COL22A1: variants seen among roughly 807,000 people sequenced by gnomAD.
The protein encoded by COL22A1 is collagen type XXII alpha 1 chain, also known as collagen alpha-1(XXII) chain.
Under a neutral mutation model 248.9 loss-of-function variants are expected in COL22A1, and 221 were observed. The ratio of observed to expected loss-of-function variants is 0.89; its 90% confidence interval spans 0.80 to 0.99. The LOEUF is 0.99. Ranked by LOEUF, COL22A1 falls within the 50% of genes least tolerant of loss-of-function variation. COL22A1 has a pLI of 0.00. For synonymous variants in COL22A1, 891 were observed against 793.4 expected, an observed-to-expected ratio of 1.12 and a Z score of -2.07; for missense variants, 2,240 against 2,179.0, an observed-to-expected ratio of 1.03 and a Z score of -0.56.
chr8:138,616,852 C>T (rs1819366725), intron 54 of COL22A1, 62 bp downstream of exon 54: 1 of 1,590,224 alleles, frequency 6.3e-7, no homozygotes, highest in Non-Finnish European at 8.6e-7. Flanking sequence ...CAAGTATCTT[C>T]TGTCTGGGAA....
chr8:138,824,400 C>T (rs919144514), intron 6 of COL22A1, among the ~76,000 whole-genome samples: 3 of 152,194 alleles, frequency 2.0e-5, no homozygotes, highest in Non-Finnish European at 4.4e-5. Context: ...AATCTATAAC[C>T]TGATTGTTTC....
intron 3 of COL22A1, among the ~76,000 whole-genome samples, chr8:138,868,391 C>A (rs1823061583): frequency 6.6e-6 from 1 of 152,092 alleles, no homozygotes; most frequent in African/African-American, 2.4e-5. Context: ...TGCTACCCTA[C>A]CCAACAGCAT....
chr8:138,706,310 C>T (rs969206657), intron 30 of COL22A1, among the ~76,000 whole-genome samples: 13 of 152,200 alleles, frequency 8.5e-5, no homozygotes, highest in African/African-American at 3.1e-4. Context: ...ACAGAACTCT[C>T]CACCCCAAAT....
At chr8:138,613,217 C>T (rs1451312404) in intron 56 of COL22A1, among the ~76,000 whole-genome samples, 4 of 148,116 alleles carry the variant, frequency 2.7e-5, no homozygotes, top group African/African-American at 1.0e-4. Flanking sequence ...CAGTGCACTG[C>T]AGCCTGGGTG....
In COL22A1 at chr8:138,604,705, CA is replaced by C. The variant is rs781348394; in HGVS notation, c.4140+28del. The C allele has an allele frequency of 4.3e-6, 7 of 1,610,044 alleles. No homozygotes were observed. The Admixed American group carries it at 1.2e-4, about 27-fold the overall frequency. ...CTGCCCATTGGTGGTAAAGGGTTGC[CA>C]AGGGGTGAGTGGGCGTGTGATACTT... On this transcript the variant is annotated intron_variant, in intron 59 of 64. Coordinates refer to ENST00000303045, the MANE Select transcript of COL22A1 (RefSeq NM_152888.3).
intron 46 of COL22A1, among the ~76,000 whole-genome samples, chr8:138,647,660 C>T (rs1470764659): frequency 1.3e-5 from 2 of 152,160 alleles, no homozygotes; most frequent in South Asian, 2.1e-4. Flanking sequence ...AGCTGCTTGA[C>T]TCTGAGAAAG....
intron 25 of COL22A1, 155 bp from the exon 26 acceptor site, chr8:138,722,244 C>T: frequency 3.2e-6 from 2 of 622,330 alleles, no homozygotes; most frequent in Non-Finnish European, 5.8e-6. Flanking sequence ...TCCAGAGCGA[C>T]TGTGGTCTCT....
At position 138,615,413 on chromosome 8, in the gene COL22A1, C is replaced by A. The variant is rs139958207; in HGVS notation, c.3924+588G>T. ...GGGCATGGTGGCAGGTGCCTCTAGT[C>A]CCAGTTACTCGGGAGGCTGAGACAG... On this transcript the variant is annotated intron_variant, in intron 55 of 64. Transcript: ENST00000303045. Among the ~76,000 whole-genome samples the A allele has an allele frequency of 1.4e-4, 21 of 152,028 alleles. No individual in the cohort carries two copies. The East Asian group carries it at 3.5e-3, about 25-fold the overall frequency.
chr8:138,626,164 T>C, intron 51 of COL22A1, 26 bp downstream of exon 51: 1 of 1,568,404 alleles, frequency 6.4e-7, no homozygotes, highest in Non-Finnish European at 8.6e-7. Context: ...TGTTTTTGTT[T>C]GTTTGTTTTT....
rs150137681 is a variant in COL22A1, at chr8:138,834,868, A to G, written c.734-1718T>C. 7.6e-3 allele frequency among the ~76,000 whole-genome samples: 1,161 copies of G among 152,294 alleles called. 2 individuals carry two copies. The highest frequency in any genetic ancestry group is 0.013 in the Non-Finnish European group (890 of 68,022). On this transcript the variant is annotated intron_variant, in intron 4 of 64. Coordinates refer to ENST00000303045, the MANE Select transcript of COL22A1 (RefSeq NM_152888.3). ...AGCTTCCAATATGCCAAGCCCTGTG[A>G]GCTCCAGGGTTGGAGCAGGCACCAA... is the stretch of plus-strand genomic sequence containing the variant.
chr8:138,849,299 C>A (rs1821462425), intron 3 of COL22A1, among the ~76,000 whole-genome samples: 1 of 152,212 alleles, frequency 6.6e-6, no homozygotes, highest in Non-Finnish European at 1.5e-5. Flanking sequence ...GCAGCAGACA[C>A]ATGTAGGTGG....
At chr8:138,782,589 C>A (rs1815113368) in intron 12 of COL22A1, among the ~76,000 whole-genome samples, 1 of 151,976 alleles carries the variant, frequency 6.6e-6, no homozygotes, top group African/African-American at 2.4e-5. Flanking sequence ...TCGCTTGAAC[C>A]AGGGAGGTGA....
At position 138,802,727 on chromosome 8, in the gene COL22A1, C is replaced by T. The variant is rs147279370; in HGVS notation, c.1557+145G>A. On this transcript the variant is annotated intron_variant, in intron 11 of 64. Coordinates refer to ENST00000303045, the MANE Select transcript of COL22A1 (RefSeq NM_152888.3). The stretch of plus-strand genomic sequence containing the variant: ...CCATGCCCATGGAGAGGAGCTAGGG[C>T]TTCATCTTGAGGGTGGTGTGGGAGT... 7.2e-6 allele frequency: 5 copies of T among 697,168 alleles called. No individual in the cohort carries two copies. The East Asian group carries it at 1.3e-4, about 18-fold the overall frequency. 43.2% of individuals were successfully genotyped at this position (697,168 alleles called of 1,614,324 possible).
chr8:138,828,996 G>T (rs1819815425), intron 5 of COL22A1, among the ~76,000 whole-genome samples: 1 of 152,226 alleles, frequency 6.6e-6, no homozygotes, highest in African/African-American at 2.4e-5. Flanking sequence ...GCTGGAGGAG[G>T]TGGACCCTGC....
chr8:138,697,651 C>T, intron 32 of COL22A1, among the ~76,000 whole-genome samples: 1 of 152,188 alleles, frequency 6.6e-6, no homozygotes, highest in South Asian at 2.1e-4. Context: ...TCGGGCTTCT[C>T]CCTCCACCCC....
At chr8:138,745,953 C>G (rs1325557940) in intron 22 of COL22A1, among the ~76,000 whole-genome samples, 1 of 152,226 alleles carries the variant, frequency 6.6e-6, no homozygotes, top group Admixed American at 6.5e-5. Flanking sequence ...GAAATGCAGT[C>G]CTTCTCTATC....
At chr8:138,879,750 T>A (rs1000654668) in intron 2 of COL22A1, among the ~76,000 whole-genome samples, 1 of 150,106 alleles carries the variant, frequency 6.7e-6, no homozygotes, top group African/African-American at 2.4e-5. Flanking sequence ...AAGCCCTAGT[T>A]TGACTCTTCC....
intron 47 of COL22A1, among the ~76,000 whole-genome samples, 159 bp from the exon 48 acceptor site, chr8:138,636,954 A>G (rs558691768): frequency 6.6e-6 from 1 of 152,272 alleles, no homozygotes; most frequent in African/African-American, 2.4e-5. Flanking sequence ...ATAGATAGAA[A>G]CAGGGCCTGG....
chr8:138,891,106 G>A (rs1825038052), intron 1 of COL22A1, among the ~76,000 whole-genome samples: 1 of 152,090 alleles, frequency 6.6e-6, no homozygotes, highest in Non-Finnish European at 1.5e-5. Context: ...TTCATTTATG[G>A]TAGCATCAAA....
Sources: allele counts gnomAD v4.1 joint callset (sites outside exome capture counted in the v4.1 genomes callset), GRCh38; gene constraint gnomAD v4.1.1; transcripts MANE v1.5; gene names NCBI Gene and HGNC (gene_info 2026-07-23, HGNC 2026-07-21).